C8G: variants seen among roughly 807,000 people sequenced by gnomAD.
C8G encodes the protein complement component C8 gamma chain.
A neutral mutation model predicts 29.1 loss-of-function variants in C8G; 38 were observed. The observed-to-expected ratio is 1.31, with a 90% confidence interval of 1.01 to 1.71. The LOEUF (loss-of-function observed/expected upper bound fraction) is 1.71. Ranked by LOEUF, C8G falls within the 40% of genes most tolerant of loss-of-function variation. The pLI, the probability that C8G is intolerant of heterozygous loss-of-function variation, is 0.00. For missense variants in C8G, 300 were observed against 267.4 expected (o/e 1.12, Z -0.85); for synonymous variants, 158 against 113.2 (o/e 1.40, Z -2.51).
rs1476333074 is a variant in C8G at position 136,946,178 on chromosome 9, C to T, written c.440C>T (p.Ser147Leu). The T allele has an allele frequency of 1.9e-6, 3 of 1,562,300 alleles. No individual in the cohort carries two copies. Among genetic ancestry groups the T allele is most frequent in the Non-Finnish European group, 2.6e-6 (3 of 1,152,748 alleles). The part of the protein sequence containing the change: ...VLYLERAGQL[S>L]VKLYARSLPV... ...TACCTGGAGCGGGCGGGGCAGCTGT[C>T]AGTGAAGCTCTACGGTATGTGGGGG... Residue 147 changes from serine (S) to leucine (L), a missense_variant, in exon 4 of 7, where the codon TCA (serine) becomes TTA (leucine). Coordinates refer to ENST00000371634, the MANE Select transcript of C8G (RefSeq NM_000606.3).
rs1367867416 is a variant in C8G, at chr9:136,946,912, C to T, written c.*131C>T. On this transcript the variant is annotated 3_prime_UTR_variant, in exon 7 of 7. Coordinates refer to ENST00000371634, the MANE Select transcript of C8G (RefSeq NM_000606.3). Reference sequence around the variant, plus strand: ...CCTGCCACCCAGGGCAGGGGATCTTCTGCCGGCTGCCCCAGAGGACAGTGG... The same window carrying T: ...CCTGCCACCCAGGGCAGGGGATCTTTTGCCGGCTGCCCCAGAGGACAGTGG... 12 of 1,165,958 alleles carry T rather than the reference C, an allele frequency of 1.0e-5. No individual in the cohort carries two copies. Among genetic ancestry groups the T allele is most frequent in the African/African-American group, 1.5e-5 (1 of 65,990 alleles). 72.2% of individuals were successfully genotyped at this position (1,165,958 alleles called of 1,614,324 possible).
At position 136,946,856 on chromosome 9, in the gene C8G, G is replaced by A; in HGVS notation, c.*75G>A. 1 of 1,520,272 alleles carries A rather than the reference G, an allele frequency of 6.6e-7. No homozygotes were observed. Among genetic ancestry groups the A allele is most frequent in the Non-Finnish European group, 8.8e-7 (1 of 1,132,384 alleles). 94.2% of individuals were successfully genotyped at this position (1,520,272 alleles called of 1,614,324 possible). On this transcript the variant is annotated 3_prime_UTR_variant, in exon 7 of 7. Transcript: ENST00000371634. ...CCCACCAGTGGGGTGCCCGCTGCCT[G>A]TCCTCCGTGAAACCAGCCTCAGATC...
chr9:136,945,423 AC>A lies in C8G; in HGVS notation c.105del (p.Ile36SerfsTer113). On this transcript the variant is annotated frameshift_variant, in exon 1 of 7. Transcript: ENST00000371634. LOFTEE classifies it high-confidence loss of function. The part of the protein sequence containing the change: ...RPRRPASPIS[T>X]IQPKANFDAQ... Reference sequence around the variant, plus strand: ...ACGCCGGCCCGCATCCCCCATCAGCACCATCCAGCCCAAGGCCAATTTTGAT... The same window carrying A: ...ACGCCGGCCCGCATCCCCCATCAGCACATCCAGCCCAAGGCCAATTTTGAT... The A allele has an allele frequency of 1.3e-6, 2 of 1,590,912 alleles. No homozygotes were observed. Among genetic ancestry groups the A allele is most frequent in the Non-Finnish European group, 1.7e-6 (2 of 1,169,034 alleles).
Position 136,945,401 on chromosome 9 carries a change from C to CCGG in C8G, c.83_85dup (p.Arg28dup). ...TGGGCCAGAAGCCTCAGAGGCCACG[C>CCGG]CGGCCCGCATCCCCCATCAGCACCA... is the stretch of plus-strand genomic sequence containing the variant. On this transcript the variant is annotated inframe_insertion, in exon 1 of 7. Transcript: ENST00000371634. The CCGG allele has an allele frequency of 6.2e-7, 1 of 1,606,646 alleles. No individual in the cohort carries two copies. Among genetic ancestry groups the CCGG allele is most frequent in the Non-Finnish European group, 8.5e-7 (1 of 1,177,204 alleles).
chr9:136,945,545 G>A (rs1851006198), intron 1 of C8G, 87 bp downstream of exon 1: 1 of 1,547,734 alleles, frequency 6.5e-7, no homozygotes, highest in Non-Finnish European at 8.8e-7. Context: ...GGGGGAGAGG[G>A]AAGCAGGTGA....
chr9:136,945,909 C>T lies in C8G; in HGVS notation c.276-20C>T, dbSNP rs771276699. 6.5e-5 allele frequency: 101 copies of T among 1,552,296 alleles called. No individual in the cohort carries two copies. Among genetic ancestry groups the T allele is most frequent in the Non-Finnish European group, 7.9e-5 (91 of 1,148,162 alleles). On this transcript the variant is annotated intron_variant, in intron 2 of 6. Transcript: ENST00000371634. ...GGTTGGGGTCTCCCAGCCTGTGGTG[C>T]CTCCTCCCCGCCCCCCCAGGGATGG...
At chr9:136,945,831 G>C in intron 2 of C8G, 61 bp downstream of exon 2, 1 of 1,540,690 alleles carries the variant, frequency 6.5e-7, no homozygotes, top group Non-Finnish European at 8.8e-7. Flanking sequence ...CCGGACTTCA[G>C]CCCTGCTCTG....
At chr9:136,946,369 G>A in intron 4 of C8G, 96 bp from the exon 5 acceptor site, 4 of 1,458,996 alleles carry the variant, frequency 2.7e-6, no homozygotes, top group Non-Finnish European at 3.6e-6. Flanking sequence ...GGAGCAGGGA[G>A]AGGGCCCCGA....
Position 136,945,763 on chromosome 9 carries a change from C to G in C8G, c.268C>G (p.Arg90Gly). 6.4e-7 allele frequency: 1 copy of G among 1,554,800 alleles called. No homozygotes were observed. The highest frequency in any genetic ancestry group is 8.7e-7 in the Non-Finnish European group (1 of 1,151,372). ...QGTAMAVSTF[R>G]KLDGICWQVR... is the part of the protein sequence containing the mutation. ...CACAGCCATGGCTGTCAGTACCTTC[C>G]GAAAGCTGTGAGTCCCAGAGCAGCC... Residue 90 changes from arginine (R) to glycine (G), a missense_variant, in exon 2 of 7, where the codon CGA becomes GGA. By Grantham distance (125) the Arg-to-Gly change is moderately radical. Coordinates refer to ENST00000371634, the MANE Select transcript of C8G (RefSeq NM_000606.3).
chr9:136,946,104 T>C lies in C8G; in HGVS notation c.366T>C (p.Ala122=). Residue 122 remains alanine, a synonymous_variant, in exon 4 of 7, where the codon GCT becomes GCC. Coordinates refer to ENST00000371634, the MANE Select transcript of C8G (RefSeq NM_000606.3). ...CCCCAGCCCGAGACGCCCGAGGGGC[T>C]GTGCACGTGGTTGTCGCTGAGACCG... ...FLLQARDARG[A]VHVVVAETDY... The C allele has an allele frequency of 1.2e-6, 2 of 1,600,570 alleles. No homozygotes were observed. Among genetic ancestry groups the C allele is most frequent in the Non-Finnish European group, 1.7e-6 (2 of 1,171,596 alleles).
rs1851045487 is a variant in C8G, at chr9:136,946,494, C to T, written c.484C>T (p.Leu162=). 6.2e-7 allele frequency: 1 copy of T among 1,612,398 alleles called. No homozygotes were observed. The highest frequency in any genetic ancestry group is 1.1e-5 in the South Asian group (1 of 90,966). ...ARSLPVSDSV[L]SGFEQRVQEA... is the part of the protein sequence containing the mutation. ...CTCGCTCCCTGTGAGCGACTCGGTC[C>T]TGAGTGGGTTTGAGCAGCGGGTCCA... The change falls in exon 5 of 7, where the codon CTG becomes TTG. Residue 162 remains leucine, a synonymous_variant. Transcript: ENST00000371634.
In C8G at chr9:136,945,720, G is replaced by T; in HGVS notation, c.225G>T (p.Leu75=). The T allele has an allele frequency of 6.3e-7, 1 of 1,583,020 alleles. No individual in the cohort carries two copies. Among genetic ancestry groups the T allele is most frequent in the Non-Finnish European group, 8.6e-7 (1 of 1,166,834 alleles). The change falls in exon 2 of 7, where the codon CTG becomes CTT. Residue 75 remains leucine, a synonymous_variant. Coordinates refer to ENST00000371634, the MANE Select transcript of C8G (RefSeq NM_000606.3). ...EQGHRAEATT[L]HVAPQGTAMA... The stretch of plus-strand genomic sequence containing the variant: ...GCCACCGGGCCGAGGCCACCACACT[G>T]CATGTGGCTCCCCAGGGCACAGCCA...
chr9:136,945,382 A>C lies in C8G; in HGVS notation c.62A>C (p.Gln21Pro). Residue 21 changes from glutamine to proline, a missense_variant, in exon 1 of 7, where the codon CAG becomes CCG. Physicochemically the swap from Gln to Pro is moderately conservative, Grantham distance 76 (BLOSUM62 -1). Coordinates refer to ENST00000371634, the MANE Select transcript of C8G (RefSeq NM_000606.3). Reference protein sequence around the residue: ...TLLLAAGSLGQKPQRPRRPAS... With the variant: ...TLLLAAGSLGPKPQRPRRPAS... ...CTCCTGGCAGCTGGCTCGCTGGGCC[A>C]GAAGCCTCAGAGGCCACGCCGGCCC... is the stretch of plus-strand genomic sequence containing the variant. The C allele has an allele frequency of 6.2e-7, 1 of 1,612,454 alleles. No homozygotes were observed. Among genetic ancestry groups the C allele is most frequent in the Non-Finnish European group, 8.5e-7 (1 of 1,179,804 alleles).
chr9:136,946,810 G>A lies in C8G; in HGVS notation c.*29G>A, dbSNP rs1851055892. On this transcript the variant is annotated 3_prime_UTR_variant, in exon 7 of 7. Coordinates refer to ENST00000371634, the MANE Select transcript of C8G (RefSeq NM_000606.3). ...CGGCACACAGCTCCAGTGCTGAGAAGTCAGTGCCCCGAGAGACGACCCCAC... is the reference window on the plus strand; with the variant it reads ...CGGCACACAGCTCCAGTGCTGAGAAATCAGTGCCCCGAGAGACGACCCCAC... 1 of 1,557,486 alleles carries A rather than the reference G, an allele frequency of 6.4e-7. No individual in the cohort carries two copies. The highest frequency in any genetic ancestry group is 8.6e-7 in the Non-Finnish European group (1 of 1,156,686).
chr9:136,945,631 C>T lies in C8G; in HGVS notation c.139-3C>T, dbSNP rs1243475337. The T allele has an allele frequency of 6.8e-6, 11 of 1,609,380 alleles. No homozygotes were observed. Among genetic ancestry groups the T allele is most frequent in the Middle Eastern group, 1.8e-4 (1 of 5,646 alleles). On this transcript the variant is annotated splice_region_variant and splice_polypyrimidine_tract_variant and intron_variant, in intron 1 of 6. Transcript: ENST00000371634. ...CTCGAGTTCTCCCATGGTCTGCCCC[C>T]AGTTTGCAGGGACCTGGCTCCTTGT...
chr9:136,946,441 C>T (rs1851043435), intron 4 of C8G, 24 bp from the exon 5 acceptor site: 1 of 1,568,368 alleles, frequency 6.4e-7, no homozygotes, highest in Admixed American at 1.8e-5. Context: ...TGCCAGGACC[C>T]CAGGAACCCT....
At chr9:136,946,737 T>A in intron 6 of C8G, 31 bp from the exon 7 acceptor site, 2 of 1,608,408 alleles carry the variant, frequency 1.2e-6, no homozygotes, top group Non-Finnish European at 1.7e-6. Context: ...GGGGGGCCAC[T>A]GCCACCGGCT....
At chr9:136,945,485 G>A (rs201528789) in intron 1 of C8G, 27 bp downstream of exon 1, 3 of 1,555,906 alleles carry the variant, frequency 1.9e-6, no homozygotes, top group Admixed American at 1.9e-5. Context: ...GTAGAGGGAG[G>A]CAGGTAGAAG....
chr9:136,946,346 C>A, intron 4 of C8G, 119 bp from the exon 5 acceptor site: 2 of 1,422,632 alleles, frequency 1.4e-6, no homozygotes, highest in Non-Finnish European at 1.9e-6. Context: ...TAGTGACAGA[C>A]AGGCCTGGTG....
Sources: allele counts gnomAD v4.1 joint callset, GRCh38; gene constraint gnomAD v4.1.1; transcripts MANE v1.5; gene names NCBI Gene and HGNC (gene_info 2026-07-23, HGNC 2026-07-21).